ZMYND8: variants seen among roughly 807,000 people sequenced by gnomAD.
ZMYND8 encodes the protein zinc finger MYND-type containing 8.
ZMYND8 carries 37 observed loss-of-function variants against 140.8 expected under a neutral mutation model. That is an observed-to-expected ratio of 0.26 (90% CI 0.20 to 0.35). ZMYND8 has a LOEUF of 0.35. ZMYND8 is among the 10% of genes least tolerant of loss of function. The pLI is 1.00. For missense variants in ZMYND8, 1,068 were observed against 1,570.0 expected (o/e 0.68, Z 5.40); for synonymous variants, 592 against 597.1 (o/e 0.99, Z 0.12).
At chr20:47,350,961 C>T (rs1478384509) in intron 1 of ZMYND8, among the ~76,000 whole-genome samples, 2 of 152,220 alleles carry the variant, frequency 1.3e-5, no homozygotes, top group Non-Finnish European at 2.9e-5. Flanking sequence ...ACACCACCAC[C>T]TCTTACACTC....
intron 3 of ZMYND8, among the ~76,000 whole-genome samples, chr20:47,303,324 G>C (rs1478487049): frequency 6.6e-6 from 1 of 152,112 alleles, no homozygotes; most frequent in Non-Finnish European, 1.5e-5. Flanking sequence ...AGGTCTTCTA[G>C]GATGCTACTG....
intron 12 of ZMYND8, among the ~76,000 whole-genome samples, chr20:47,252,251 C>A (rs2074245897): frequency 7.2e-6 from 1 of 138,452 alleles, no homozygotes; most frequent in African/African-American, 2.8e-5. Context: ...GAGATCGCAC[C>A]ACTACACTCC....
intron 1 of ZMYND8, chr20:47,352,371 C>A (rs2082859976): frequency 5.5e-5 from 46 of 838,670 alleles, no homozygotes; most frequent in Non-Finnish European, 6.6e-5. Context: ...AAATACCCAG[C>A]CCTCTGAAGC....
rs1475274737 is a variant in ZMYND8, at chr20:47,270,537, TTTTA to T, written c.1480+5773_1480+5776del. On this transcript the variant is annotated intron_variant, in intron 11 of 22. Coordinates refer to ENST00000471951, the MANE Select transcript of ZMYND8 (RefSeq NM_001281775.3). The stretch of plus-strand genomic sequence containing the variant: ...ACAGGTGCATTTAATGTGATGTAGC[TTTTA>T]TTTAGTTAAAAATGTGAGCCAGTAC... 2.6e-5 allele frequency among the ~76,000 whole-genome samples: 4 copies of T among 151,404 alleles called. No individual in the cohort carries two copies. The East Asian group carries it at 7.8e-4, about 29-fold the overall frequency.
At chr20:47,228,506 C>T (rs1440974373) in intron 17 of ZMYND8, among the ~76,000 whole-genome samples, 1 of 152,192 alleles carries the variant, frequency 6.6e-6, no homozygotes, top group African/African-American at 2.4e-5. Flanking sequence ...AACCACACAC[C>T]AATTCTTACA....
intron 11 of ZMYND8, among the ~76,000 whole-genome samples, chr20:47,266,550 G>C (rs565766024): frequency 1.3e-5 from 2 of 152,084 alleles, no homozygotes; most frequent in Non-Finnish European, 2.9e-5. Context: ...CCAAAGTGCT[G>C]GGATTACAGA....
At position 47,262,322 on chromosome 20, in the gene ZMYND8, G is replaced by T. The variant is rs1439440372; in HGVS notation, c.1587C>A (p.Thr529=). ...GATTCAGGATGCTGCCGGTGGTGGA[G>T]GTTTTGTCCGTTTTCGTCGTGATAG... is the stretch of plus-strand genomic sequence containing the variant. ...SAPITTKTDK[T]STTGSILNLN... is the part of the protein sequence containing the mutation. Residue 529 remains threonine, a synonymous_variant, in exon 12 of 23, where the codon ACC becomes ACA. Coordinates refer to ENST00000471951, the MANE Select transcript of ZMYND8 (RefSeq NM_001281775.3). The T allele has an allele frequency of 6.2e-7, 1 of 1,614,060 alleles. No individual in the cohort carries two copies. Among genetic ancestry groups the T allele is most frequent in the Admixed American group, 1.7e-5 (1 of 60,012 alleles).
chr20:47,226,168 A>G (rs62883961), intron 18 of ZMYND8, among the ~76,000 whole-genome samples: 3 of 151,026 alleles, frequency 2.0e-5, no homozygotes, highest in Non-Finnish European at 3.0e-5. Flanking sequence ...AAAAAAAAAA[A>G]GGAAAACGAG....
At chr20:47,336,530 C>A (rs561293931) in intron 2 of ZMYND8, among the ~76,000 whole-genome samples, 3 of 152,166 alleles carry the variant, frequency 2.0e-5, no homozygotes, top group African/African-American at 7.2e-5. Flanking sequence ...TGTATGGAGA[C>A]GTGAATTCAA....
At chr20:47,355,375 C>T (rs1371748618) in intron 1 of ZMYND8, 5 of 918,836 alleles carry the variant, frequency 5.4e-6, no homozygotes, top group Non-Finnish European at 6.5e-6. Context: ...CCAAGACCCA[C>T]TATTACAAAC....
At chr20:47,254,723 G>A (rs765944684) in intron 12 of ZMYND8, among the ~76,000 whole-genome samples, 77 of 152,004 alleles carry the variant, frequency 5.1e-4, no homozygotes, top group Non-Finnish European at 1.1e-3. Context: ...TCTTTGTGGT[G>A]GGGGTGGGGT....
chr20:47,282,725 AAAAAAAAAAAAC>A (rs1379909987), intron 9 of ZMYND8, among the ~76,000 whole-genome samples: 1 of 150,096 alleles, frequency 6.7e-6, no homozygotes, highest in Non-Finnish European at 1.5e-5. Flanking sequence ...CTCCATCTCA[AAAAAAAAAAAAC>A]AAAAAAAAGA....
At chr20:47,265,100 C>A (rs915588493) in intron 11 of ZMYND8, among the ~76,000 whole-genome samples, 3 of 142,222 alleles carry the variant, frequency 2.1e-5, no homozygotes, top group Non-Finnish European at 3.1e-5. Flanking sequence ...CCAATAAAAT[C>A]TTTAGCATTA....
At chr20:47,247,586 T>C (rs536540574) in intron 13 of ZMYND8, among the ~76,000 whole-genome samples, 1 of 152,228 alleles carries the variant, frequency 6.6e-6, no homozygotes, top group African/African-American at 2.4e-5. Flanking sequence ...TATGCCATCA[T>C]ACTGTAGATA....
chr20:47,269,590 C>A (rs1192978958), intron 11 of ZMYND8, among the ~76,000 whole-genome samples: 1 of 152,174 alleles, frequency 6.6e-6, no homozygotes, highest in Non-Finnish European at 1.5e-5. Flanking sequence ...CAAGTGTGGG[C>A]TGAAACACAT....
At chr20:47,306,815 A>AT (rs1306526790) in intron 3 of ZMYND8, among the ~76,000 whole-genome samples, 27 of 152,334 alleles carry the variant, frequency 1.8e-4, no homozygotes, top group African/African-American at 6.0e-4. Flanking sequence ...AGAAGACGAC[A>AT]GTGGAGAATC....
In ZMYND8 at chr20:47,264,075, C is replaced by A. The variant is rs891034870; in HGVS notation, c.1481-1647G>T. ...TGCTGCCATGCACAGAGCGGCCCCC[C>A]ACAAGAAAGAGTTATCTGGCCCCAA... On this transcript the variant is annotated intron_variant, in intron 11 of 22. Transcript: ENST00000471951. Among the ~76,000 whole-genome samples the A allele has an allele frequency of 7.2e-5, 11 of 152,092 alleles. 1 individual carries two copies. In the South Asian group the frequency reaches 8.3e-4, roughly 11 times the overall value.
At chr20:47,285,632 ATAG>A (rs1234460683) in intron 8 of ZMYND8, 4 of 953,410 alleles carry the variant, frequency 4.2e-6, no homozygotes, top group Non-Finnish European at 5.0e-6. Context: ...TCACAGCCTC[ATAG>A]TAGTTTTATT....
At chr20:47,289,589 G>A (rs968077338) in intron 7 of ZMYND8, among the ~76,000 whole-genome samples, 1 of 147,528 alleles carries the variant, frequency 6.8e-6, no homozygotes, top group Non-Finnish European at 1.5e-5. Context: ...GTAAATGGAT[G>A]AATGGCGGCA....
Sources: allele counts gnomAD v4.1 joint callset (sites outside exome capture counted in the v4.1 genomes callset), GRCh38; gene constraint gnomAD v4.1.1; transcripts MANE v1.5; gene names NCBI Gene and HGNC (gene_info 2026-07-23, HGNC 2026-07-21).